The following MAST4 variants were observed in gnomAD, a reference collection of about 807,000 sequenced individuals.
MAST4 encodes microtubule associated serine/threonine kinase family member 4.
In MAST4, 89 loss-of-function variants were observed where a neutral mutation model predicts 162.7. The ratio of observed to expected loss-of-function variants is 0.55; its 90% CI spans 0.46 to 0.65. The LOEUF is 0.65. Ranked by LOEUF, MAST4 falls within the 30% of genes least tolerant of loss-of-function variation. The pLI, the probability that MAST4 is intolerant of heterozygous loss-of-function variation, is 0.00. For missense variants in MAST4, 3,153 were observed against 3,374.0 expected (o/e 0.93, Z 1.62); for synonymous variants, 1,479 against 1,361.1 (o/e 1.09, Z -1.91).
Position 66,630,105 on chromosome 5 carries a change from T to G in MAST4, c.363+33087T>G, listed in dbSNP as rs188246424. On this transcript the variant is annotated intron_variant, in intron 1 of 28. Coordinates refer to ENST00000403625, the MANE Select transcript of MAST4 (RefSeq NM_001164664.2). Reference sequence around the variant, plus strand: ...TAGAGGAACTTGGAAAAAAAAATCCTTGGTCCCACTGTCTAGACCAACCAA... The same window carrying G: ...TAGAGGAACTTGGAAAAAAAAATCCGTGGTCCCACTGTCTAGACCAACCAA... 7.9e-5 allele frequency among the ~76,000 whole-genome samples: 12 copies of G among 152,218 alleles called. 1 individual carries two copies. In the East Asian group the frequency reaches 2.3e-3, roughly 29 times the overall value.
intron 10 of MAST4, among the ~76,000 whole-genome samples, chr5:67,105,444 T>G (rs1281922333): frequency 6.6e-6 from 1 of 152,220 alleles, no homozygotes; most frequent in Non-Finnish European, 1.5e-5. Flanking sequence ...GATAAGATCC[T>G]TCTCTGGCTG....
At chr5:67,001,999 T>C (rs1472436014) in intron 4 of MAST4, 2 of 152,224 alleles carry the variant, frequency 1.3e-5, no homozygotes, top group African/African-American at 4.8e-5. Flanking sequence ...CCTTGATTAC[T>C]CTTCTCTGTG....
intron 21 of MAST4, among the ~76,000 whole-genome samples, chr5:67,144,092 T>C (rs1770745978): frequency 1.3e-5 from 2 of 152,078 alleles, no homozygotes; most frequent in Admixed American, 1.3e-4. Context: ...GGCACCAACA[T>C]AGGAAACTGC....
At chr5:66,808,335 C>T (rs996107938) in intron 3 of MAST4, among the ~76,000 whole-genome samples, 2 of 152,208 alleles carry the variant, frequency 1.3e-5, no homozygotes, top group African/African-American at 4.8e-5. Flanking sequence ...CCTGTGCAGG[C>T]TGGGCAGCCC....
intron 3 of MAST4, among the ~76,000 whole-genome samples, chr5:66,822,082 A>G (rs989476346): frequency 1.3e-5 from 2 of 152,168 alleles, no homozygotes; most frequent in Non-Finnish European, 2.9e-5. Flanking sequence ...CAAATGAGAA[A>G]CCAGAGCTCA....
At chr5:66,923,061 CTCCTAG>C in intron 4 of MAST4, among the ~76,000 whole-genome samples, 1 of 152,186 alleles carries the variant, frequency 6.6e-6, no homozygotes, top group Admixed American at 6.5e-5. Flanking sequence ...ATTCTTTTAT[CTCCTAG>C]ATGGCCAGGC....
At chr5:66,919,099 A>AACACACACACACACACAC (rs56340246) in intron 4 of MAST4, among the ~76,000 whole-genome samples, 25 of 142,296 alleles carry the variant, frequency 1.8e-4, no homozygotes, top group African/African-American at 5.0e-4. Context: ...CGAGACTCTC[A>AACACACACACACACACAC]ACACACACAC....
At chr5:67,144,878 T>TG (rs1770871850) in intron 22 of MAST4, 82 bp downstream of exon 22, 2 of 1,474,836 alleles carry the variant, frequency 1.4e-6, no homozygotes, top group Admixed American at 2.2e-5. Context: ...TCAGAATACC[T>TG]GGGGGGCTTG....
At chr5:66,891,220 A>G (rs258084) in intron 3 of MAST4, among the ~76,000 whole-genome samples, 132,414 of 152,124 alleles carry the variant, frequency 0.87, 57,895 homozygotes, top group Non-Finnish European at 0.92. Flanking sequence ...CTCATCTCTG[A>G]ATGGTACCCT....
At chr5:66,686,815 C>A (rs1748691062) in intron 1 of MAST4, among the ~76,000 whole-genome samples, 1 of 152,212 alleles carries the variant, frequency 6.6e-6, no homozygotes, top group Non-Finnish European at 1.5e-5. Flanking sequence ...ACAGCTTATA[C>A]ATCTTTGGTA....
chr5:66,849,910 C>T (rs1759178688), intron 3 of MAST4, among the ~76,000 whole-genome samples: 1 of 152,130 alleles, frequency 6.6e-6, no homozygotes, highest in African/African-American at 2.4e-5. Flanking sequence ...ATAGAGGAGA[C>T]TCTCTCAAGG....
chr5:66,637,877 A>G (rs1277886669), intron 1 of MAST4, among the ~76,000 whole-genome samples: 6 of 151,918 alleles, frequency 3.9e-5, no homozygotes, highest in Admixed American at 2.0e-4. Flanking sequence ...CACCCAGCTA[A>G]CTTTTGCATT....
chr5:66,966,687 A>G lies in MAST4; in HGVS notation c.674+66705A>G, dbSNP rs184553924. On this transcript the variant is annotated intron_variant, in intron 4 of 28. Transcript: ENST00000403625. Reference sequence around the variant, plus strand: ...AGGTGGTATTCTGACTGTATCTAACAATAGGGAAGCCTGGGAAATATGGCT... The same window carrying G: ...AGGTGGTATTCTGACTGTATCTAACGATAGGGAAGCCTGGGAAATATGGCT... Among the ~76,000 whole-genome samples the G allele has an allele frequency of 2.2e-4, 33 of 152,322 alleles. No homozygotes were observed. The South Asian group carries it at 5.0e-3, about 23-fold the overall frequency.
intron 5 of MAST4, among the ~76,000 whole-genome samples, chr5:67,056,345 A>G (rs1216612582): frequency 6.6e-6 from 1 of 152,182 alleles, no homozygotes; most frequent in East Asian, 1.9e-4. Context: ...TACTTGGGAC[A>G]TTACTCTAGC....
At chr5:67,060,439 T>C (rs1353354130) in intron 5 of MAST4, among the ~76,000 whole-genome samples, 1 of 151,244 alleles carries the variant, frequency 6.6e-6, no homozygotes, top group Non-Finnish European at 1.5e-5. Context: ...TAAGCAGATA[T>C]TCCAGTGTGC....
intron 2 of MAST4, among the ~76,000 whole-genome samples, chr5:66,784,890 A>G (rs908208963): frequency 1.3e-5 from 2 of 152,216 alleles, no homozygotes; most frequent in African/African-American, 4.8e-5. Context: ...TTGGAACTAA[A>G]TAAGTTGCTC....
chr5:66,944,815 G>A (rs1743825193), intron 4 of MAST4, among the ~76,000 whole-genome samples: 1 of 152,126 alleles, frequency 6.6e-6, no homozygotes, highest in South Asian at 2.1e-4. Context: ...TTCCTTGCGA[G>A]AGTAGAAGCG....
intron 3 of MAST4, among the ~76,000 whole-genome samples, chr5:66,796,783 A>G (rs1201694179): frequency 1.3e-5 from 2 of 152,188 alleles, no homozygotes; most frequent in Non-Finnish European, 2.9e-5. Context: ...CAGCTTGTCC[A>G]CCAAGTATGA....
chr5:66,831,499 C>A (rs1014201846), intron 3 of MAST4, among the ~76,000 whole-genome samples: 22 of 152,050 alleles, frequency 1.4e-4, no homozygotes, highest in Non-Finnish European at 7.4e-5. Flanking sequence ...TATTTAGGAC[C>A]AATTTTAAAA....
Sources: allele counts gnomAD v4.1 joint callset (sites outside exome capture counted in the v4.1 genomes callset), GRCh38; gene constraint gnomAD v4.1.1; transcripts MANE v1.5; gene names NCBI Gene and HGNC (gene_info 2026-07-23, HGNC 2026-07-21).